The following RAB6B variants were observed in gnomAD, a reference collection of about 807,000 sequenced individuals.
The protein encoded by RAB6B is RAB6B, member RAS oncogene family.
In RAB6B, 7 loss-of-function variants were observed where a neutral mutation model predicts 31.2. The observed-to-expected ratio is 0.22, with a 90% CI of 0.13 to 0.42. The LOEUF (loss-of-function observed/expected upper bound fraction) is 0.42. RAB6B is among the 10% of genes least tolerant of loss of function. The probability of loss-of-function intolerance (pLI) is 1.00; values close to 1 mark genes in which losing one functional copy is unlikely to be tolerated. For missense variants in RAB6B, 149 were observed against 280.6 expected (o/e 0.53, Z 3.35); for synonymous variants, 105 against 104.9 (o/e 1.00, Z -0.01).
rs148411465 is a variant in RAB6B at position 133,888,747 on chromosome 3, C to G, written c.70+6650G>C. On this transcript the variant is annotated intron_variant, in intron 1 of 7. Transcript: ENST00000285208. ...GAAAACAATTTTGAAATCTCAAGCC[C>G]CAAGATATGGTAAAGAACATCCTAG... 1.2e-3 allele frequency among the ~76,000 whole-genome samples: 181 copies of G among 152,222 alleles called. 2 individuals are homozygous for G. The East Asian group carries it at 0.033, about 27-fold the overall frequency.
chr3:133,870,295 A>G (rs1936299583), intron 1 of RAB6B, among the ~76,000 whole-genome samples: 1 of 152,148 alleles, frequency 6.6e-6, no homozygotes, highest in Non-Finnish European at 1.5e-5. Flanking sequence ...TCACGAGAAG[A>G]GCATGGGGGA....
At chr3:133,866,153 G>C (rs1056741939) in intron 1 of RAB6B, among the ~76,000 whole-genome samples, 1 of 152,200 alleles carries the variant, frequency 6.6e-6, no homozygotes, top group Non-Finnish European at 1.5e-5. Flanking sequence ...AAAGTGGAAG[G>C]AGGCAGCAGG....
At position 133,841,611 on chromosome 3, in the gene RAB6B, G is replaced by A. The variant is rs748177345; in HGVS notation, c.182C>T (p.Thr61Met). ...LSKTMYLEDR[T>M]VRLQLWDTAG... Reference sequence around the variant, plus strand: ...CCAGTCCTGATATTAGGTGCTCACCGTGCGGTCCTCCAAGTACATGGTTTT... The same window carrying A: ...CCAGTCCTGATATTAGGTGCTCACCATGCGGTCCTCCAAGTACATGGTTTT... Residue 61 changes from threonine to methionine, a missense_variant and splice_region_variant, in exon 3 of 8, where the codon ACG (threonine) becomes ATG (methionine). Transcript: ENST00000285208. The A allele has an allele frequency of 6.2e-7, 1 of 1,613,402 alleles. No individual in the cohort carries two copies. The highest frequency in any genetic ancestry group is 8.5e-7 in the Non-Finnish European group (1 of 1,179,730).
rs184687940 is a variant in RAB6B at position 133,876,701 on chromosome 3, G to T, written c.71-12059C>A. Among the ~76,000 whole-genome samples the T allele has an allele frequency of 2.8e-3, 426 of 152,238 alleles. 1 individual carries two copies. Among genetic ancestry groups the T allele is most frequent in the Non-Finnish European group, 4.6e-3 (315 of 68,014 alleles). On this transcript the variant is annotated intron_variant, in intron 1 of 7. Coordinates refer to ENST00000285208, the MANE Select transcript of RAB6B (RefSeq NM_016577.4). Reference sequence around the variant, plus strand: ...TAAAACTATATCAATTGCCAATATTGAGCTTTTTATAAGAGCTGGGCAGCA... The same window carrying T: ...TAAAACTATATCAATTGCCAATATTTAGCTTTTTATAAGAGCTGGGCAGCA...
chr3:133,852,628 G>A (rs943384533), intron 2 of RAB6B, among the ~76,000 whole-genome samples: 2 of 151,768 alleles, frequency 1.3e-5, no homozygotes, highest in Non-Finnish European at 2.9e-5. Flanking sequence ...GTGCCACCAC[G>A]CCCAGCTAAT....
chr3:133,848,509 A>C (rs1935935809), intron 2 of RAB6B, among the ~76,000 whole-genome samples: 4 of 152,198 alleles, frequency 2.6e-5, no homozygotes, highest in Admixed American at 1.3e-4. Flanking sequence ...TGGATAATTT[A>C]CTTTAAAAAG....
At chr3:133,887,715 T>C (rs1936569683) in intron 1 of RAB6B, among the ~76,000 whole-genome samples, 1 of 151,946 alleles carries the variant, frequency 6.6e-6, no homozygotes, top group South Asian at 2.1e-4. Flanking sequence ...AGAATCAGGG[T>C]CTTCAGGGCC....
chr3:133,885,505 A>G, intron 1 of RAB6B: 1 of 702,812 alleles, frequency 1.4e-6, no homozygotes, highest in South Asian at 1.5e-5. Flanking sequence ...TCACACATCC[A>G]ATGACCAGAG....
chr3:133,835,464 T>C (rs1935720842), intron 6 of RAB6B, among the ~76,000 whole-genome samples: 1 of 129,154 alleles, frequency 7.7e-6, no homozygotes, highest in South Asian at 2.6e-4. Flanking sequence ...TGCGTACATG[T>C]GGGTTTTCTG....
chr3:133,877,591 A>G (rs946605984), intron 1 of RAB6B, among the ~76,000 whole-genome samples: 2 of 152,134 alleles, frequency 1.3e-5, no homozygotes, highest in Admixed American at 1.3e-4. Context: ...AAAAATCACA[A>G]TGTCTGGTAT....
At chr3:133,861,726 G>A (rs778141722) in intron 2 of RAB6B, among the ~76,000 whole-genome samples, 1 of 152,238 alleles carries the variant, frequency 6.6e-6, no homozygotes, top group African/African-American at 2.4e-5. Context: ...AACGAGAGGG[G>A]AGTAGTGGGG....
rs1326115459 is a variant in RAB6B, at chr3:133,828,255, CT to C, written c.*532del. The C allele has an allele frequency of 2.0e-6, 1 of 496,628 alleles. No homozygotes were observed. The highest frequency in any genetic ancestry group is 3.6e-6 in the Non-Finnish European group (1 of 276,166). The allele number at this position is 496,628 out of a possible 1,614,324, so 30.8% of individuals were successfully genotyped here. A position where few individuals can be genotyped will look rare whatever the true frequency, so the allele number is the denominator to read the frequency against. ...TGTGTTCAACCAATGTTTGATTTAA[CT>C]GGAGTAGGGCCTAGAGAGTGGGGCC... On this transcript the variant is annotated 3_prime_UTR_variant, in exon 8 of 8. Transcript: ENST00000285208.
intron 2 of RAB6B, among the ~76,000 whole-genome samples, chr3:133,841,900 G>A (rs1935841070): frequency 6.6e-6 from 1 of 152,168 alleles, no homozygotes; most frequent in South Asian, 2.1e-4. Flanking sequence ...CTCTGGAGAG[G>A]GCAAGTGCTT....
chr3:133,838,346 G>T, intron 5 of RAB6B, 87 bp from the exon 6 acceptor site: 1 of 1,236,856 alleles, frequency 8.1e-7, no homozygotes. Context: ...GCAGGGCAGA[G>T]GGAGCCCACT....
At chr3:133,832,327 G>A (rs945048731) in intron 7 of RAB6B, among the ~76,000 whole-genome samples, 2 of 151,906 alleles carry the variant, frequency 1.3e-5, no homozygotes, top group Admixed American at 1.3e-4. Flanking sequence ...CAGAAGTATT[G>A]GCCAGAGCGG....
chr3:133,856,428 A>T (rs1195622488), intron 2 of RAB6B, among the ~76,000 whole-genome samples: 1 of 151,936 alleles, frequency 6.6e-6, no homozygotes, highest in East Asian at 2.0e-4. Context: ...ATCCACATTC[A>T]AGGCAGAAAA....
chr3:133,860,460 C>G (rs9811084), intron 2 of RAB6B, among the ~76,000 whole-genome samples: 44,390 of 152,030 alleles, frequency 0.29, 7,606 homozygotes, highest in Non-Finnish European at 0.41. Context: ...CCCTCCATGC[C>G]TTGATTTTGG....
At chr3:133,886,414 C>A (rs910525463) in intron 1 of RAB6B, among the ~76,000 whole-genome samples, 10 of 152,212 alleles carry the variant, frequency 6.6e-5, no homozygotes, top group Non-Finnish European at 1.3e-4. Flanking sequence ...AGCCTCTGCC[C>A]TTATACTCCA....
chr3:133,838,592 C>T (rs1935776785), intron 5 of RAB6B, among the ~76,000 whole-genome samples: 2 of 152,294 alleles, frequency 1.3e-5, no homozygotes, highest in Admixed American at 1.3e-4. Flanking sequence ...AGATTCAAGC[C>T]AGGCAGTGCC....
Sources: allele counts gnomAD v4.1 joint callset (sites outside exome capture counted in the v4.1 genomes callset), GRCh38; gene constraint gnomAD v4.1.1; transcripts MANE v1.5; gene names NCBI Gene and HGNC (gene_info 2026-07-23, HGNC 2026-07-21).